Variants in GLRA2 observed in about 807,000 individuals in gnomAD.
GLRA2 encodes glycine receptor subunit alpha-2.
Under a neutral mutation model 31.6 loss-of-function variants are expected in GLRA2, and 11 were observed. That is an observed-to-expected ratio of 0.35 (90% CI 0.22 to 0.58). GLRA2 has a LOEUF of 0.58. Ranked by LOEUF, GLRA2 falls within the 20% of genes least tolerant of loss-of-function variation. The probability of loss-of-function intolerance (pLI) is 0.84; values close to 1 mark genes in which losing one functional copy is unlikely to be tolerated. For synonymous variants in GLRA2, 132 were observed against 134.0 expected (o/e 0.99, Z 0.10); for missense variants, 212 against 351.8 (o/e 0.60, Z 3.18).
intron 8 of GLRA2, among the ~76,000 whole-genome samples, chrX:14,694,668 T>G (rs1418266550): frequency 1.8e-5 from 2 of 112,244 alleles, no homozygotes; most frequent in African/African-American, 6.5e-5. Flanking sequence ...AGGTTCAGGA[T>G]TCTTTCATTT....
intron 8 of GLRA2, among the ~76,000 whole-genome samples, chrX:14,691,300 T>A (rs1286916611): frequency 9.5e-6 from 1 of 104,727 alleles, no homozygotes; most frequent in Non-Finnish European, 1.9e-5. Flanking sequence ...TGTGTGTGTG[T>A]GTGTGTGTGT....
At chrX:14,560,424 C>T (rs962048798) in intron 2 of GLRA2, among the ~76,000 whole-genome samples, 2 of 112,089 alleles carry the variant, frequency 1.8e-5, no homozygotes, top group East Asian at 2.8e-4. Flanking sequence ...GGAGAACTAA[C>T]AAATAGTGAC....
intron 2 of GLRA2, among the ~76,000 whole-genome samples, chrX:14,557,653 A>G (rs760500048): frequency 1.1e-4 from 12 of 111,469 alleles, no homozygotes; most frequent in Non-Finnish European, 2.1e-4. Context: ...GTGGTTATCA[A>G]CTGGGGAGAT....
chrX:14,525,882 T>G (rs1037394384), upstream of GLRA2, among the ~76,000 whole-genome samples: 1 of 112,035 alleles, frequency 8.9e-6, no homozygotes, highest in Non-Finnish European at 1.9e-5. Context: ...ATATTTAAAA[T>G]TATATACTAG....
Position 14,690,693 on chromosome X carries a change from C to G in GLRA2, c.931-17C>G, listed in dbSNP as rs377334135. 423 of 631,053 alleles carry G rather than the reference C, an allele frequency of 6.7e-4. No homozygotes were observed. Among genetic ancestry groups the G allele is most frequent in the Middle Eastern group, 1.6e-3 (4 of 2,477 alleles). 52.0% of individuals were successfully genotyped at this position (631,053 alleles called of 1,213,427 possible). Reference sequence around the variant, plus strand: ...TCTCTCTCTCTGTGTGTGTGTGTGTCTCTCTCTCTCTCTCAGGTCTCCTAT... The same window carrying G: ...TCTCTCTCTCTGTGTGTGTGTGTGTGTCTCTCTCTCTCTCAGGTCTCCTAT... On this transcript the variant is annotated splice_polypyrimidine_tract_variant and intron_variant, in intron 7 of 8. Transcript: ENST00000218075.
At chrX:14,457,372 C>T in the GLRA2 span, among the ~76,000 whole-genome samples, 1 of 109,125 alleles carries the variant, frequency 9.2e-6, no homozygotes, top group Non-Finnish European at 1.9e-5. Flanking sequence ...CCCACGGGCC[C>T]CAGTGAGTGA....
At chrX:14,531,229 A>G in intron 1 of GLRA2, 13 of 702,824 alleles carry the variant, frequency 1.8e-5, no homozygotes, top group Non-Finnish European at 2.6e-5. Context: ...CAAAATATTT[A>G]TATCATCTTT....
chrX:14,730,532 G>C lies in GLRA2; in HGVS notation c.*47G>C. 1 of 755,145 alleles carries C rather than the reference G, an allele frequency of 1.3e-6. No homozygotes were observed. The highest frequency in any genetic ancestry group is 1.8e-6 in the Non-Finnish European group (1 of 546,589). 62.2% of individuals were successfully genotyped at this position (755,145 alleles called of 1,213,427 possible). Reference sequence around the variant, plus strand: ...ACCTTCTTGCCTCAGTGTTGTGCTTGTAAATACACAGTGAAATTGTCTTTA... The same window carrying C: ...ACCTTCTTGCCTCAGTGTTGTGCTTCTAAATACACAGTGAAATTGTCTTTA... On this transcript the variant is annotated 3_prime_UTR_variant, in exon 9 of 9. Coordinates refer to ENST00000218075, the MANE Select transcript of GLRA2 (RefSeq NM_002063.4).
chrX:14,537,905 G>A (rs1927137048), intron 2 of GLRA2, among the ~76,000 whole-genome samples: 2 of 108,331 alleles, frequency 1.8e-5, no homozygotes, highest in Admixed American at 2.0e-4. Context: ...GAAGATTTTT[G>A]AACATCAAAA....
chrX:14,730,155 A>G (rs2091974536), intron 8 of GLRA2, 52 bp from the exon 9 acceptor site: 1 of 970,505 alleles, frequency 1.0e-6, no homozygotes, highest in Non-Finnish European at 1.5e-6. Flanking sequence ...AGCATCTTCC[A>G]TCTAACTTGA....
In GLRA2 at chrX:14,601,969, A is replaced by G. The variant is rs748937622; in HGVS notation, c.495-2346A>G. Among the ~76,000 whole-genome samples, 9 of 111,868 alleles carry G rather than the reference A, an allele frequency of 8.0e-5. No individual in the cohort carries two copies. In the South Asian group the frequency reaches 3.0e-3, roughly 37 times the overall value. On this transcript the variant is annotated intron_variant, in intron 4 of 8. Coordinates refer to ENST00000218075, the MANE Select transcript of GLRA2 (RefSeq NM_002063.4). Reference sequence around the variant, plus strand: ...ACTTTAGAAAAATACGGATTGTAGTATTAGGATCAAATGAGAATAAGCATC... The same window carrying G: ...ACTTTAGAAAAATACGGATTGTAGTGTTAGGATCAAATGAGAATAAGCATC...
chrX:14,489,219 T>G, the GLRA2 span, among the ~76,000 whole-genome samples: 5 of 112,066 alleles, frequency 4.5e-5, no homozygotes, highest in South Asian at 3.7e-4. Flanking sequence ...TACAAATATG[T>G]TATAATCAAC....
intron 7 of GLRA2, among the ~76,000 whole-genome samples, chrX:14,650,238 AG>A (rs1205068567): frequency 2.7e-5 from 3 of 111,254 alleles, no homozygotes. Context: ...TAAGCTGCTA[AG>A]TTAATTAAAT....
At chrX:14,454,404 A>G in the GLRA2 span, among the ~76,000 whole-genome samples, 1 of 111,379 alleles carries the variant, frequency 9.0e-6, no homozygotes. Context: ...ATGGGAATCT[A>G]CAATTATCTC....
At chrX:14,602,674 G>A (rs1023118039) in intron 4 of GLRA2, among the ~76,000 whole-genome samples, 7 of 111,533 alleles carry the variant, frequency 6.3e-5, no homozygotes, top group Non-Finnish European at 9.4e-5. Context: ...GTGAGAACAT[G>A]TGATATTTGG....
intron 4 of GLRA2, among the ~76,000 whole-genome samples, chrX:14,598,971 C>T (rs2090238111): frequency 9.0e-6 from 1 of 111,374 alleles, no homozygotes; most frequent in Admixed American, 9.5e-5. Flanking sequence ...AGGTATAAAC[C>T]CAAGAGATGG....
intron 8 of GLRA2, among the ~76,000 whole-genome samples, chrX:14,725,187 A>G (rs1013771933): frequency 8.9e-6 from 1 of 112,077 alleles, no homozygotes; most frequent in Admixed American, 9.5e-5. Context: ...TGAATGGTAC[A>G]GACTCTTAAT....
chrX:14,610,981 G>T (rs902023801), intron 7 of GLRA2, among the ~76,000 whole-genome samples: 3 of 111,982 alleles, frequency 2.7e-5, no homozygotes, highest in African/African-American at 9.7e-5. Context: ...TTTTACACTT[G>T]GCTCTGAACT....
At chrX:14,650,423 G>A (rs2090876683) in intron 7 of GLRA2, among the ~76,000 whole-genome samples, 1 of 109,978 alleles carries the variant, frequency 9.1e-6, no homozygotes, top group African/African-American at 3.3e-5. Context: ...TTGTTCTTTA[G>A]TGACAGGTTA....
Sources: allele counts gnomAD v4.1 joint callset (sites outside exome capture counted in the v4.1 genomes callset), GRCh38; gene constraint gnomAD v4.1.1; transcripts MANE v1.5; gene names NCBI Gene and HGNC (gene_info 2026-07-23, HGNC 2026-07-21).